Variants in SLC10A7 observed in about 807,000 individuals in gnomAD.
The protein encoded by SLC10A7 is sodium/bile acid cotransporter 7.
SLC10A7 carries 29 observed loss-of-function variants against 43.2 expected under a neutral mutation model. The ratio of observed to expected loss-of-function variants is 0.67; its 90% CI spans 0.50 to 0.92. The LOEUF (loss-of-function observed/expected upper bound fraction) is 0.92. Among genes scored for constraint, SLC10A7 ranks in the 40% least tolerant of loss-of-function variants. The pLI, the probability that SLC10A7 is intolerant of heterozygous loss-of-function variation, is 0.00. For missense variants in SLC10A7, 295 were observed against 403.2 expected (o/e 0.73, Z 2.30); for synonymous variants, 152 against 144.8 (o/e 1.05, Z -0.35).
At chr4:146,300,134 G>A (rs758523317) in intron 7 of SLC10A7, among the ~76,000 whole-genome samples, 8 of 152,130 alleles carry the variant, frequency 5.3e-5, no homozygotes, top group South Asian at 2.1e-4. Context: ...AAGTAAAGTC[G>A]TGAGGATGGT....
At chr4:146,379,746 G>A (rs2248347) in intron 5 of SLC10A7, among the ~76,000 whole-genome samples, 1,606 of 152,056 alleles carry the variant, frequency 0.011, 23 homozygotes, top group African/African-American at 0.036. Flanking sequence ...AAAGAACATC[G>A]CATTAAGTAC....
intron 5 of SLC10A7, among the ~76,000 whole-genome samples, chr4:146,329,488 T>C (rs1733384893): frequency 6.6e-6 from 1 of 152,162 alleles, no homozygotes; most frequent in Non-Finnish European, 1.5e-5. Flanking sequence ...TCCCATCTAC[T>C]AGGTAAGAAT....
intron 4 of SLC10A7, among the ~76,000 whole-genome samples, chr4:146,444,467 T>C (rs1321008727): frequency 1.3e-5 from 2 of 152,152 alleles, no homozygotes; most frequent in Non-Finnish European, 2.9e-5. Flanking sequence ...AAAATAACTA[T>C]ATATGACAAA....
At chr4:146,470,505 C>T (rs962322926) in intron 4 of SLC10A7, among the ~76,000 whole-genome samples, 27 of 152,074 alleles carry the variant, frequency 1.8e-4, no homozygotes, top group African/African-American at 5.8e-4. Flanking sequence ...CAAAGAAGGA[C>T]TGCTCAGATA....
chr4:146,351,197 G>A (rs1349232056), intron 5 of SLC10A7, among the ~76,000 whole-genome samples: 3 of 150,768 alleles, frequency 2.0e-5, no homozygotes, highest in East Asian at 3.9e-4. Flanking sequence ...AGGAGCTGAT[G>A]GAGCTGAAAA....
intron 10 of SLC10A7, among the ~76,000 whole-genome samples, chr4:146,279,107 C>T (rs960339228): frequency 6.6e-6 from 1 of 152,132 alleles, no homozygotes; most frequent in African/African-American, 2.4e-5. Flanking sequence ...TCATTCAATT[C>T]AGAAGTACTT....
At chr4:146,446,079 G>A (rs1476901250) in intron 4 of SLC10A7, among the ~76,000 whole-genome samples, 1 of 151,976 alleles carries the variant, frequency 6.6e-6, no homozygotes, top group African/African-American at 2.4e-5. Context: ...TGGAGCTCTC[G>A]CCAGGAACCC....
At chr4:146,398,337 G>A (rs140562523) in intron 5 of SLC10A7, among the ~76,000 whole-genome samples, 62 of 152,232 alleles carry the variant, frequency 4.1e-4, no homozygotes, top group African/African-American at 1.4e-3. Flanking sequence ...TGAATGTGTG[G>A]CATCCATTAT....
intron 5 of SLC10A7, among the ~76,000 whole-genome samples, chr4:146,354,490 T>C (rs930684104): frequency 1.1e-3 from 170 of 150,506 alleles, no homozygotes; most frequent in Non-Finnish European, 2.1e-3. Flanking sequence ...TTCAATGCCA[T>C]CCCCATCAAG....
At position 146,521,612 on chromosome 4, in the gene SLC10A7, A is replaced by T; in HGVS notation, c.100+6T>A. 6.2e-7 allele frequency: 1 copy of T among 1,611,980 alleles called. No homozygotes were observed. Among genetic ancestry groups the T allele is most frequent in the East Asian group, 2.2e-5 (1 of 44,862 alleles). On this transcript the variant is annotated splice_donor_region_variant and intron_variant, in intron 1 of 11. Transcript: ENST00000335472. ...GCGGTGGAGCCGGCAGAGGTGCAGC[A>T]CTTACCCCCATTCACCCCTATGGAC...
intron 4 of SLC10A7, among the ~76,000 whole-genome samples, chr4:146,501,401 C>T (rs1443153765): frequency 1.3e-5 from 2 of 152,150 alleles, no homozygotes; most frequent in Non-Finnish European, 2.9e-5. Flanking sequence ...CTTCAGGGCA[C>T]ATAAATGACA....
intron 5 of SLC10A7, among the ~76,000 whole-genome samples, chr4:146,355,897 G>C (rs1352413461): frequency 9.1e-6 from 1 of 109,336 alleles, no homozygotes; most frequent in Non-Finnish European, 1.8e-5. Flanking sequence ...GGTGGGGTGG[G>C]GGGAGGGGGG....
Position 146,454,129 on chromosome 4 carries a change from T to C in SLC10A7, c.397-11308A>G, listed in dbSNP as rs566954695. The stretch of plus-strand genomic sequence containing the variant: ...GTTCAAATAAGCTCATCAATTCAGA[T>C]TGTTGTTCTAGTTCTGGGAAGAAAT... On this transcript the variant is annotated intron_variant, in intron 4 of 11. Transcript: ENST00000335472. Among the ~76,000 whole-genome samples the C allele has an allele frequency of 2.0e-5, 3 of 152,058 alleles. No individual in the cohort carries two copies. The South Asian group carries it at 6.2e-4, about 31-fold the overall frequency.
chr4:146,268,644 C>T (rs989091733), intron 10 of SLC10A7, among the ~76,000 whole-genome samples: 2 of 152,186 alleles, frequency 1.3e-5, no homozygotes, highest in African/African-American at 4.8e-5. Context: ...CTCAACCACT[C>T]CTCACATCCA....
At chr4:146,517,167 T>C (rs1738088199) in intron 1 of SLC10A7, 47 bp from the exon 2 acceptor site, 3 of 1,462,958 alleles carry the variant, frequency 2.1e-6, no homozygotes, top group Middle Eastern at 1.8e-4. Context: ...TTTCAGTAGA[T>C]AACTTGGCAC....
At chr4:146,480,751 T>C (rs2149984702) in intron 4 of SLC10A7, among the ~76,000 whole-genome samples, 1 of 152,088 alleles carries the variant, frequency 6.6e-6, no homozygotes, top group African/African-American at 2.4e-5. Context: ...GGTTCCGTTC[T>C]AAAGATGAAG....
intron 4 of SLC10A7, among the ~76,000 whole-genome samples, chr4:146,451,243 A>AAC (rs1731574236): frequency 6.7e-6 from 1 of 148,770 alleles, no homozygotes; most frequent in African/African-American, 2.5e-5. Context: ...AAAAAAAAAA[A>AAC]AAAAAAACAA....
chr4:146,338,651 T>C (rs555028658), intron 5 of SLC10A7, among the ~76,000 whole-genome samples: 2 of 151,972 alleles, frequency 1.3e-5, no homozygotes, highest in East Asian at 1.9e-4. Context: ...GCAGAGTTAG[T>C]GGAAACACAA....
rs367598179 is a variant in SLC10A7 at position 146,488,228 on chromosome 4, A to AT, written c.396+15620dup. On this transcript the variant is annotated intron_variant, in intron 4 of 11. Transcript: ENST00000335472. The stretch of plus-strand genomic sequence containing the variant: ...AAGAAAATATAGGTAAAAGCATTTC[A>AT]TAAGATATGCACAATAATATTAAAT... 2.1e-3 allele frequency among the ~76,000 whole-genome samples: 315 copies of AT among 152,294 alleles called. 1 individual carries two copies. Among genetic ancestry groups the AT allele is most frequent in the African/African-American group, 7.1e-3 (297 of 41,572 alleles).
Sources: gnomAD v4.1 joint callset for allele counts (sites outside exome capture counted in the v4.1 genomes callset) on GRCh38, gnomAD v4.1.1 for gene constraint, MANE v1.5 for transcripts, NCBI Gene and HGNC (gene_info 2026-07-23, HGNC 2026-07-21) for gene names.